BCL2L11: variants seen among roughly 807,000 people sequenced by gnomAD.
BCL2L11 encodes bcl-2-like protein 11.
Under a neutral mutation model 20.6 loss-of-function variants are expected in BCL2L11, and 15 were observed. The ratio of observed to expected loss-of-function variants is 0.73; its 90% confidence interval spans 0.49 to 1.12. BCL2L11 has a LOEUF of 1.12. Among genes scored for constraint, BCL2L11 ranks in the 50% most tolerant of loss-of-function variants. BCL2L11 has a pLI of 0.00. For synonymous variants in BCL2L11, 108 were observed against 92.8 expected (o/e 1.16, Z -0.94); for missense variants, 292 against 260.9 (o/e 1.12, Z -0.82).
At chr2:111,131,418 A>G (rs2073931109) in intron 2 of BCL2L11, 1 of 152,052 alleles carries the variant, frequency 6.6e-6, no homozygotes, top group Admixed American at 6.6e-5. Context: ...GCATTCCAAT[A>G]TTTTTAATGG....
At chr2:111,123,060 T>TC in intron 1 of BCL2L11, 1 of 974,628 alleles carries the variant, frequency 1.0e-6, no homozygotes, top group African/African-American at 1.8e-5. Flanking sequence ...CGCCGCCCCC[T>TC]CCCCATTTAG....
chr2:111,131,926 C>G (rs1234355967), intron 2 of BCL2L11: 1 of 152,186 alleles, frequency 6.6e-6, no homozygotes, highest in Admixed American at 6.5e-5. Context: ...TAAGTACATG[C>G]TCATACCCAA....
intron 3 of BCL2L11, among the ~76,000 whole-genome samples, chr2:111,161,092 T>C (rs144001131): frequency 2.0e-4 from 31 of 152,302 alleles, no homozygotes; most frequent in African/African-American, 6.0e-4. Flanking sequence ...TGATTGTCTC[T>C]TACCAGAACA....
At chr2:111,121,539 AT>A (rs1030034677) in intron 1 of BCL2L11, among the ~76,000 whole-genome samples, 5 of 152,136 alleles carry the variant, frequency 3.3e-5, no homozygotes, top group African/African-American at 1.2e-4. Flanking sequence ...TGCTCGTAGT[AT>A]CGGGCTGTGC....
At chr2:111,142,218 T>TC in intron 2 of BCL2L11, 1 of 1,051,838 alleles carries the variant, frequency 9.5e-7, no homozygotes, top group Non-Finnish European at 1.4e-6. Flanking sequence ...TAATGAAGAC[T>TC]CTACCTCCTG....
At chr2:111,151,860 A>G (rs1266422785) in intron 3 of BCL2L11, 6 of 1,549,932 alleles carry the variant, frequency 3.9e-6, no homozygotes, top group Non-Finnish European at 5.2e-6. Context: ...GACATAAACC[A>G]GTTCACAGAA....
At position 111,131,435 on chromosome 2, in the gene BCL2L11, G is replaced by T. The variant is rs976564386; in HGVS notation, c.394+7296G>T. ...ATTCCAATATTTTTAATGGATGCAGGATCTGTTGTGATAACCCCTGCTTCA... is the reference window on the plus strand; with the variant it reads ...ATTCCAATATTTTTAATGGATGCAGTATCTGTTGTGATAACCCCTGCTTCA... On this transcript the variant is annotated intron_variant, in intron 2 of 3. Coordinates refer to ENST00000393256, the MANE Select transcript of BCL2L11 (RefSeq NM_138621.5). The T allele has an allele frequency of 1.4e-4, 21 of 152,142 alleles. No homozygotes were observed. The East Asian group carries it at 4.0e-3, about 29-fold the overall frequency. 9.4% of individuals were successfully genotyped at this position (152,142 alleles called of 1,614,324 possible).
chr2:111,122,720 C>T (rs2071387763), intron 1 of BCL2L11: 3 of 982,972 alleles, frequency 3.1e-6, no homozygotes, highest in Non-Finnish European at 3.6e-6. Context: ...CCCTCGGCTG[C>T]CCGGCGGAGC....
At chr2:111,121,217 G>A (rs964405941) in intron 1 of BCL2L11, 29 bp downstream of exon 1, 6 of 214,438 alleles carry the variant, frequency 2.8e-5, no homozygotes, top group African/African-American at 9.4e-5. Context: ...CGGGGCGCGG[G>A]CCTGGCACCG....
chr2:111,164,343 T>C lies in BCL2L11; in HGVS notation c.*112T>C. On this transcript the variant is annotated 3_prime_UTR_variant, in exon 4 of 4. Transcript: ENST00000393256. ...TATTATGCAGCCAGCGGTTCTCTTG[T>C]GGAGGGGGCAGGTGACGTTTCAGAA... The C allele has an allele frequency of 2.5e-6, 2 of 789,192 alleles. No individual in the cohort carries two copies. Among genetic ancestry groups the C allele is most frequent in the Non-Finnish European group, 2.2e-6 (1 of 450,152 alleles). 48.9% of individuals were successfully genotyped at this position (789,192 alleles called of 1,614,324 possible).
chr2:111,162,730 A>G (rs1443393374), intron 3 of BCL2L11: 9 of 151,966 alleles, frequency 5.9e-5, no homozygotes. Context: ...GCACAAAACA[A>G]CTCTGCCTGG....
intron 3 of BCL2L11, among the ~76,000 whole-genome samples, chr2:111,152,324 G>T (rs2077352668): frequency 6.6e-6 from 1 of 152,222 alleles, no homozygotes; most frequent in African/African-American, 2.4e-5. Flanking sequence ...AGTAGGCCTT[G>T]CCTGGTGCCC....
chr2:111,151,147 C>T (rs937012139), intron 3 of BCL2L11, among the ~76,000 whole-genome samples: 1 of 152,174 alleles, frequency 6.6e-6, no homozygotes, highest in African/African-American at 2.4e-5. Flanking sequence ...TGTGATCTGC[C>T]TGCCTCGGCC....
intron 2 of BCL2L11, among the ~76,000 whole-genome samples, chr2:111,149,637 G>A (rs6542334): frequency 0.58 from 87,986 of 151,980 alleles, 26,943 homozygotes; most frequent in African/African-American, 0.77. Context: ...AGGAATATTT[G>A]CCTTGTAATA....
chr2:111,122,876 G>C (rs1358664665), intron 1 of BCL2L11: 12 of 985,482 alleles, frequency 1.2e-5, no homozygotes, highest in Middle Eastern at 5.2e-4. Context: ...GACGCCGCGG[G>C]GCTTGGTCCC....
At chr2:111,150,673 T>A (rs2077139715) in intron 3 of BCL2L11, among the ~76,000 whole-genome samples, 1 of 152,260 alleles carries the variant, frequency 6.6e-6, no homozygotes, top group Non-Finnish European at 1.5e-5. Flanking sequence ...TGTTGAAATG[T>A]ATTAGGAGGC....
At chr2:111,126,428 A>G (rs560510490) in intron 2 of BCL2L11, among the ~76,000 whole-genome samples, 6 of 152,166 alleles carry the variant, frequency 3.9e-5, no homozygotes, top group Non-Finnish European at 8.8e-5. Context: ...AGTTTAATGC[A>G]TAGGATTAAA....
chr2:111,123,604 C>T (rs2071752736), intron 1 of BCL2L11, 129 bp from the exon 2 acceptor site: 2 of 1,213,044 alleles, frequency 1.6e-6, no homozygotes, highest in East Asian at 3.2e-5. Context: ...GGGAGATTGT[C>T]AGAAAAGTAT....
In BCL2L11 at chr2:111,121,001, G is replaced by A. The variant is rs2070776782; in HGVS notation, c.-201G>A. The A allele has an allele frequency of 5.0e-6, 2 of 399,870 alleles. No homozygotes were observed. The highest frequency in any genetic ancestry group is 8.8e-6 in the Non-Finnish European group (2 of 226,672). 24.8% of individuals were successfully genotyped at this position (399,870 alleles called of 1,614,324 possible). A position where few individuals can be genotyped will look rare whatever the true frequency, so the allele number is the denominator to read the frequency against. On this transcript the variant is annotated 5_prime_UTR_variant, in exon 1 of 4. Coordinates refer to ENST00000393256, the MANE Select transcript of BCL2L11 (RefSeq NM_138621.5). Reference sequence around the variant, plus strand: ...CGCTGCCGCCGCCGCCGCCGCCGCCGCCGCCGCCGCCGCCGCCGCCACTAC... The same window carrying A: ...CGCTGCCGCCGCCGCCGCCGCCGCCACCGCCGCCGCCGCCGCCGCCACTAC...
Sources: gnomAD v4.1 joint callset for allele counts (sites outside exome capture counted in the v4.1 genomes callset) on GRCh38, gnomAD v4.1.1 for gene constraint, MANE v1.5 for transcripts, NCBI Gene and HGNC (gene_info 2026-07-23, HGNC 2026-07-21) for gene names.